Variants in ZNF438 observed in about 807,000 individuals in gnomAD.
ZNF438 encodes zinc finger protein 438.
Under a neutral mutation model 38.0 loss-of-function variants are expected in ZNF438, and 25 were observed. That is an observed-to-expected ratio of 0.66 (90% CI 0.48 to 0.92). The LOEUF (loss-of-function observed/expected upper bound fraction) is 0.92, where lower values mean the gene tolerates loss of function less well. ZNF438 is among the 40% of genes least tolerant of loss of function. The probability of loss-of-function intolerance (pLI) is 0.00; values close to 1 mark genes in which losing one functional copy is unlikely to be tolerated. For synonymous variants in ZNF438, 372 were observed against 364.1 expected, an observed-to-expected ratio of 1.02 and a Z score of -0.25; for missense variants, 1,007 against 999.6, an observed-to-expected ratio of 1.01 and a Z score of -0.10.
chr10:30,887,767 A>G (rs1355097953), intron 3 of ZNF438, among the ~76,000 whole-genome samples: 1 of 152,172 alleles, frequency 6.6e-6, no homozygotes, highest in Non-Finnish European at 1.5e-5. Context: ...ATTTTAAAAC[A>G]ATCACCCTAT....
intron 2 of ZNF438, among the ~76,000 whole-genome samples, chr10:30,924,243 G>A (rs189470986): frequency 2.0e-5 from 3 of 152,266 alleles, no homozygotes; most frequent in Admixed American, 6.5e-5. Context: ...TGACTGAGAC[G>A]ATGAATGTTG....
At position 30,969,015 on chromosome 10, in the gene ZNF438, C is replaced by A. The variant is rs368847802; in HGVS notation, c.-191-27364G>T. ...GGCATGGGTTAGGGTAACAAAAATA[C>A]AATGGAGAAAAAAGTGGCATTTCCA... On this transcript the variant is annotated intron_variant, in intron 1 of 5. Coordinates refer to ENST00000413025, the Ensembl canonical transcript of ZNF438. Among the ~76,000 whole-genome samples, 5 of 151,954 alleles carry A rather than the reference C, an allele frequency of 3.3e-5. No individual in the cohort carries two copies. The East Asian group carries it at 7.7e-4, about 23-fold the overall frequency.
At chr10:30,963,238 A>C (rs2049705135) in intron 1 of ZNF438, among the ~76,000 whole-genome samples, 2 of 151,862 alleles carry the variant, frequency 1.3e-5, no homozygotes. Context: ...CCAAAAATAC[A>C]AAAATTAGCT....
intron 1 of ZNF438, among the ~76,000 whole-genome samples, chr10:30,968,646 T>C (rs554226785): frequency 7.2e-4 from 110 of 152,070 alleles, no homozygotes; most frequent in Middle Eastern, 6.8e-3. Context: ...TTTCTCCATG[T>C]TGGTCTGGCT....
chr10:30,979,493 T>A (rs1016900936), intron 1 of ZNF438, among the ~76,000 whole-genome samples: 4 of 152,170 alleles, frequency 2.6e-5, no homozygotes, highest in Non-Finnish European at 5.9e-5. Flanking sequence ...GGAGGCATCA[T>A]GCTACCTGAC....
intron 3 of ZNF438, among the ~76,000 whole-genome samples, chr10:30,894,017 CA>C (rs1264515322): frequency 6.6e-6 from 1 of 152,128 alleles, no homozygotes; most frequent in Non-Finnish European, 1.5e-5. Flanking sequence ...TTGCACACAG[CA>C]AAATGGTACA....
At chr10:30,857,157 T>A (rs1402975825) in intron 4 of ZNF438, among the ~76,000 whole-genome samples, 2 of 152,086 alleles carry the variant, frequency 1.3e-5, no homozygotes, top group African/African-American at 4.8e-5. Context: ...GGATTATATG[T>A]AAAGTTGTCT....
chr10:30,995,100 T>C (rs2053912429), intron 1 of ZNF438, among the ~76,000 whole-genome samples: 1 of 151,752 alleles, frequency 6.6e-6, no homozygotes, highest in Non-Finnish European at 1.5e-5. Context: ...TTGAAATCTT[T>C]CCAAATTTGA....
intron 3 of ZNF438, among the ~76,000 whole-genome samples, chr10:30,899,204 G>A (rs1186816080): frequency 6.6e-6 from 1 of 152,086 alleles, no homozygotes; most frequent in African/African-American, 2.4e-5. Context: ...AATATTTGAT[G>A]AGTTAACTTT....
intron 1 of ZNF438, among the ~76,000 whole-genome samples, chr10:31,021,379 T>C (rs1353399482): frequency 1.3e-5 from 2 of 151,980 alleles, no homozygotes; most frequent in African/African-American, 2.4e-5. Flanking sequence ...AGTAAATAGT[T>C]ATAGATAGTA....
At chr10:31,020,340 G>T (rs1219324352) in intron 1 of ZNF438, among the ~76,000 whole-genome samples, 2 of 152,116 alleles carry the variant, frequency 1.3e-5, no homozygotes, top group Non-Finnish European at 2.9e-5. Flanking sequence ...ACAAAAGAGA[G>T]TCTCAAGTTT....
At chr10:30,901,308 C>T (rs895732168) in intron 3 of ZNF438, among the ~76,000 whole-genome samples, 2 of 152,182 alleles carry the variant, frequency 1.3e-5, no homozygotes, top group African/African-American at 4.8e-5. Flanking sequence ...ATTAAGTTGC[C>T]AATGTGGCTT....
intron 2 of ZNF438, among the ~76,000 whole-genome samples, chr10:30,939,330 G>C (rs2046580055): frequency 1.3e-5 from 2 of 152,316 alleles, no homozygotes; most frequent in African/African-American, 4.8e-5. Context: ...CTATGTAAAT[G>C]ATAATCCCTT....
At position 30,851,172 on chromosome 10, in the gene ZNF438, G is replaced by A. The variant is rs1280545066; in HGVS notation, c.38-805C>T. Among the ~76,000 whole-genome samples, 6 of 152,238 alleles carry A rather than the reference G, an allele frequency of 3.9e-5. No homozygotes were observed. The East Asian group carries it at 1.2e-3, about 29-fold the overall frequency. ...GATACAGAGACAACATGCAAAATAT[G>A]TGAATGGCATAAAAAGCACCTTCTA... On this transcript the variant is annotated intron_variant, in intron 4 of 5. Transcript: ENST00000413025.
At chr10:31,027,623 C>T (rs1014988044) in intron 1 of ZNF438, among the ~76,000 whole-genome samples, 3 of 152,066 alleles carry the variant, frequency 2.0e-5, no homozygotes, top group Non-Finnish European at 4.4e-5. Flanking sequence ...TTACTTTATA[C>T]CATATATGGG....
At chr10:30,899,330 T>A (rs140720904) in intron 3 of ZNF438, among the ~76,000 whole-genome samples, 1 of 152,344 alleles carries the variant, frequency 6.6e-6, no homozygotes, top group Non-Finnish European at 1.5e-5. Flanking sequence ...CACATCATAC[T>A]TAGAAACAGC....
At chr10:30,845,072 G>A (rs1386549734) in exon 6 of ZNF438, 2 of 1,614,194 alleles carry the variant, frequency 1.2e-6, no homozygotes, top group South Asian at 1.1e-5. Context: ...TCCAGTGGTG[G>A]AGGAGGTCCT....
intron 4 of ZNF438, among the ~76,000 whole-genome samples, chr10:30,872,612 TG>T (rs1222259577): frequency 6.7e-6 from 1 of 148,960 alleles, no homozygotes; most frequent in East Asian, 2.0e-4. Flanking sequence ...TAGCCGGGGG[TG>T]GGGGCAGGCA....
chr10:30,904,110 C>A (rs2042338497), intron 3 of ZNF438, among the ~76,000 whole-genome samples: 2 of 151,728 alleles, frequency 1.3e-5, no homozygotes, highest in South Asian at 4.2e-4. Flanking sequence ...TCTAATTTTC[C>A]AAAATTTGTA....
Sources: allele counts gnomAD v4.1 joint callset (sites outside exome capture counted in the v4.1 genomes callset), GRCh38; gene constraint gnomAD v4.1.1; transcripts MANE v1.5; gene names NCBI Gene and HGNC (gene_info 2026-07-23, HGNC 2026-07-21).